Variants in KCNQ5 observed in about 807,000 individuals in gnomAD.
KCNQ5 encodes potassium voltage-gated channel subfamily Q member 5, also known as potassium voltage-gated channel subfamily KQT member 5.
Under a neutral mutation model 98.2 loss-of-function variants are expected in KCNQ5, and 30 were observed. The ratio of observed to expected loss-of-function variants is 0.31; its 90% CI spans 0.23 to 0.41. The LOEUF (loss-of-function observed/expected upper bound fraction) is 0.41, where lower values mean the gene tolerates loss of function less well. Ranked by LOEUF, KCNQ5 falls within the 10% of genes least tolerant of loss-of-function variation. The pLI is 1.00. For synonymous variants in KCNQ5, 458 were observed against 449.4 expected (o/e 1.02, Z -0.24); for missense variants, 835 against 1,182.5 (o/e 0.71, Z 4.31).
At chr6:72,697,031 T>C (rs1253526463) in intron 1 of KCNQ5, among the ~76,000 whole-genome samples, 1 of 152,208 alleles carries the variant, frequency 6.6e-6, no homozygotes, top group Non-Finnish European at 1.5e-5. Context: ...TAATTTCATA[T>C]CTTGTCATGT....
chr6:72,829,233 A>C (rs1206139970), intron 1 of KCNQ5, among the ~76,000 whole-genome samples: 1 of 152,114 alleles, frequency 6.6e-6, no homozygotes, highest in Non-Finnish European at 1.5e-5. Context: ...TTCATCAACT[A>C]GGTAGTGCTC....
intron 11 of KCNQ5, among the ~76,000 whole-genome samples, chr6:73,172,786 G>A (rs894771599): frequency 6.6e-6 from 1 of 152,058 alleles, no homozygotes; most frequent in African/African-American, 2.4e-5. Flanking sequence ...TATTTAATAC[G>A]AATATTTAAA....
chr6:73,111,726 G>A (rs528375619), intron 7 of KCNQ5, among the ~76,000 whole-genome samples: 5 of 152,276 alleles, frequency 3.3e-5, no homozygotes, highest in East Asian at 1.9e-4. Flanking sequence ...TTGATGAAAC[G>A]TAATTGATCA....
chr6:72,960,224 T>C (rs1767274131), intron 1 of KCNQ5, among the ~76,000 whole-genome samples: 1 of 152,170 alleles, frequency 6.6e-6, no homozygotes, highest in Non-Finnish European at 1.5e-5. Flanking sequence ...CTAGCACAAA[T>C]GATCCAGATC....
intron 1 of KCNQ5, among the ~76,000 whole-genome samples, chr6:72,751,287 A>C (rs1490794754): frequency 2.6e-5 from 4 of 151,252 alleles, no homozygotes; most frequent in African/African-American, 4.9e-5. Context: ...TAGGTAATGA[A>C]TCATCTGTGT....
intron 1 of KCNQ5, among the ~76,000 whole-genome samples, chr6:72,962,256 CAT>C (rs573029479): frequency 7.2e-4 from 103 of 142,926 alleles, no homozygotes; most frequent in African/African-American, 1.9e-3. Flanking sequence ...TATATACACA[CAT>C]ATATATATAC....
intron 1 of KCNQ5, among the ~76,000 whole-genome samples, chr6:72,715,284 C>A (rs944178799): frequency 6.6e-6 from 1 of 152,136 alleles, no homozygotes; most frequent in Admixed American, 6.6e-5. Context: ...ACTCACTCAG[C>A]GTTTGTAGCA....
At chr6:73,096,138 G>A (rs1352336290) in intron 5 of KCNQ5, among the ~76,000 whole-genome samples, 1 of 152,076 alleles carries the variant, frequency 6.6e-6, no homozygotes, top group Non-Finnish European at 1.5e-5. Flanking sequence ...AGAACTTAGA[G>A]TCCAGTGTTC....
chr6:73,055,079 TC>T (rs1231905213), intron 3 of KCNQ5: 2 of 685,740 alleles, frequency 2.9e-6, no homozygotes, highest in East Asian at 2.7e-5. Context: ...AAGAATGCTA[TC>T]CCCCAAGCCT....
intron 1 of KCNQ5, among the ~76,000 whole-genome samples, chr6:72,950,317 C>T (rs1766739483): frequency 1.3e-5 from 2 of 152,144 alleles, no homozygotes; most frequent in Admixed American, 1.3e-4. Flanking sequence ...TATCTGTCAC[C>T]CAGGGTTTCA....
intron 1 of KCNQ5, among the ~76,000 whole-genome samples, chr6:72,935,122 G>C (rs951329626): frequency 7.0e-6 from 1 of 141,938 alleles, no homozygotes; most frequent in African/African-American, 2.7e-5. Flanking sequence ...CCAGGCTGGA[G>C]TGCAATGGCG....
At chr6:72,767,801 A>G (rs976034843) in intron 1 of KCNQ5, among the ~76,000 whole-genome samples, 3 of 151,996 alleles carry the variant, frequency 2.0e-5, no homozygotes, top group Non-Finnish European at 4.4e-5. Context: ...CTTCACCCCA[A>G]TTAGGATGGC....
At position 72,750,308 on chromosome 6, in the gene KCNQ5, A is replaced by T. The variant is rs556817383; in HGVS notation, c.398+127721A>T. Among the ~76,000 whole-genome samples, 6 of 152,258 alleles carry T rather than the reference A, an allele frequency of 3.9e-5. No homozygotes were observed. In the South Asian group the frequency reaches 1.2e-3, roughly 32 times the overall value. On this transcript the variant is annotated intron_variant, in intron 1 of 13. Transcript: ENST00000370398. ...TGATAGAATTAAGTGTTAATTATTT[A>T]GAAGTAAAATTTACTAGAAATCAAT...
At chr6:72,853,475 C>G (rs1463475369) in intron 1 of KCNQ5, among the ~76,000 whole-genome samples, 1 of 152,146 alleles carries the variant, frequency 6.6e-6, no homozygotes, top group East Asian at 1.9e-4. Flanking sequence ...ACCCGAGAAG[C>G]TGGGACTACA....
chr6:73,169,880 A>C, intron 11 of KCNQ5, 26 bp downstream of exon 11: 1 of 1,346,362 alleles, frequency 7.4e-7, no homozygotes, highest in Non-Finnish European at 1.1e-6. Context: ...GAACAACGTG[A>C]TTCAGAGACA....
intron 1 of KCNQ5, among the ~76,000 whole-genome samples, chr6:72,757,268 C>A (rs941338146): frequency 6.6e-6 from 1 of 152,076 alleles, no homozygotes; most frequent in African/African-American, 2.4e-5. Flanking sequence ...TGCAGTTTGC[C>A]AGCTAAGGCA....
chr6:72,956,354 C>T (rs202046026), intron 1 of KCNQ5, among the ~76,000 whole-genome samples: 2 of 152,104 alleles, frequency 1.3e-5, no homozygotes, highest in Non-Finnish European at 2.9e-5. Flanking sequence ...AACCTTCCCT[C>T]GTGTTTAAAT....
intron 1 of KCNQ5, among the ~76,000 whole-genome samples, chr6:72,689,900 TA>T (rs1768129621): frequency 1.3e-5 from 2 of 152,164 alleles, no homozygotes; most frequent in African/African-American, 4.8e-5. Context: ...GAGAGTTATT[TA>T]GTTATTTAAG....
Position 72,685,375 on chromosome 6 carries a change from A to G in KCNQ5, c.398+62788A>G, listed in dbSNP as rs1037266810. On this transcript the variant is annotated intron_variant, in intron 1 of 13. Transcript: ENST00000370398. ...CAAAACTATATGCATTCCAACATAC[A>G]CTGGTTTTGTTCCTTTTCTTTTGAG... Among the ~76,000 whole-genome samples the G allele has an allele frequency of 2.0e-5, 3 of 152,220 alleles. No individual in the cohort carries two copies. The East Asian group carries it at 5.8e-4, about 29-fold the overall frequency.
Sources: gnomAD v4.1 joint callset for allele counts (sites outside exome capture counted in the v4.1 genomes callset) on GRCh38, gnomAD v4.1.1 for gene constraint, MANE v1.5 for transcripts, NCBI Gene and HGNC (gene_info 2026-07-23, HGNC 2026-07-21) for gene names.